PPARGC1B: variants seen among roughly 807,000 people sequenced by gnomAD.
The protein encoded by PPARGC1B is peroxisome proliferator-activated receptor gamma coactivator 1-beta.
In PPARGC1B, 34 loss-of-function variants were observed where a neutral mutation model predicts 101.6. The ratio of observed to expected loss-of-function variants is 0.33; its 90% confidence interval spans 0.25 to 0.45. The LOEUF (loss-of-function observed/expected upper bound fraction) is 0.45, where lower values mean the gene tolerates loss of function less well. PPARGC1B is among the 20% of genes least tolerant of loss of function. The probability of loss-of-function intolerance (pLI) is 1.00; values close to 1 mark genes in which losing one functional copy is unlikely to be tolerated. For missense variants in PPARGC1B, 1,234 were observed against 1,317.6 expected, an observed-to-expected ratio of 0.94 and a Z score of 0.98; for synonymous variants, 548 against 539.3, an observed-to-expected ratio of 1.02 and a Z score of -0.22.
chr5:149,757,259 T>C, intron 1 of PPARGC1B, among the ~76,000 whole-genome samples: 1 of 151,914 alleles, frequency 6.6e-6, no homozygotes, highest in East Asian at 1.9e-4. Flanking sequence ...ATCGAGTGGC[T>C]AAGCTTGTCA....
intron 1 of PPARGC1B, among the ~76,000 whole-genome samples, chr5:149,810,623 TTC>T (rs1490471748): frequency 2.0e-5 from 3 of 152,256 alleles, no homozygotes; most frequent in African/African-American, 7.2e-5. Flanking sequence ...AGACTGCCTG[TTC>T]TCTCTTTCCC....
At chr5:149,789,468 G>T (rs966465103) in intron 1 of PPARGC1B, among the ~76,000 whole-genome samples, 4 of 152,152 alleles carry the variant, frequency 2.6e-5, no homozygotes, top group Non-Finnish European at 5.9e-5. Context: ...TTCCTAGGAG[G>T]ATCAGATGAA....
chr5:149,835,951 T>C (rs1759048828), intron 7 of PPARGC1B, among the ~76,000 whole-genome samples: 1 of 148,586 alleles, frequency 6.7e-6, no homozygotes, highest in Non-Finnish European at 1.5e-5. Context: ...TAGGGTCTTT[T>C]TTTTTTCTTT....
chr5:149,768,111 C>T (rs1755986241), intron 1 of PPARGC1B, among the ~76,000 whole-genome samples: 1 of 152,054 alleles, frequency 6.6e-6, no homozygotes, highest in Non-Finnish European at 1.5e-5. Context: ...GAAAACCCTG[C>T]TTCACAGGGA....
intron 1 of PPARGC1B, among the ~76,000 whole-genome samples, chr5:149,779,904 C>T (rs1344258004): frequency 6.6e-6 from 1 of 152,144 alleles, no homozygotes; most frequent in Non-Finnish European, 1.5e-5. Flanking sequence ...GAGCCCCTTC[C>T]CAGCCCCTTC....
chr5:149,820,701 C>G, intron 2 of PPARGC1B, 95 bp downstream of exon 2: 14 of 1,263,206 alleles, frequency 1.1e-5, no homozygotes, highest in Non-Finnish European at 1.4e-5. Flanking sequence ...CCTGCACTTG[C>G]TCATGCAGAG....
chr5:149,840,410 C>T (rs1561630668), intron 9 of PPARGC1B, among the ~76,000 whole-genome samples: 1 of 152,202 alleles, frequency 6.6e-6, no homozygotes, highest in South Asian at 2.1e-4. Context: ...CTTGAGAGAG[C>T]CAAGTGGGCG....
At chr5:149,844,401 A>G (rs982847587) in intron 10 of PPARGC1B, among the ~76,000 whole-genome samples, 6 of 152,216 alleles carry the variant, frequency 3.9e-5, no homozygotes, top group African/African-American at 1.2e-4. Context: ...TGTAATCCCA[A>G]CACTTTGGGA....
chr5:149,773,517 T>C (rs1204771996), intron 1 of PPARGC1B, among the ~76,000 whole-genome samples: 1 of 152,118 alleles, frequency 6.6e-6, no homozygotes, highest in Non-Finnish European at 1.5e-5. Flanking sequence ...CCTGCCTGGC[T>C]GGTTGCTCTG....
chr5:149,828,875 T>A (rs1369278247), intron 3 of PPARGC1B, among the ~76,000 whole-genome samples: 1 of 150,848 alleles, frequency 6.6e-6, no homozygotes, highest in Non-Finnish European at 1.5e-5. Flanking sequence ...GGAAGATCCA[T>A]CTCTATGATT....
At chr5:149,819,204 A>G (rs1304744141) in intron 1 of PPARGC1B, among the ~76,000 whole-genome samples, 1 of 152,180 alleles carries the variant, frequency 6.6e-6, no homozygotes, top group Non-Finnish European at 1.5e-5. Flanking sequence ...TGATTCAGGC[A>G]ATGCTGTTAT....
intron 1 of PPARGC1B, among the ~76,000 whole-genome samples, chr5:149,747,836 G>A (rs1755144649): frequency 6.6e-6 from 1 of 152,216 alleles, no homozygotes; most frequent in East Asian, 1.9e-4. Flanking sequence ...CACCATAGCA[G>A]GCAAAACTAG....
chr5:149,826,582 G>C, intron 2 of PPARGC1B, 91 bp from the exon 3 acceptor site: 3 of 1,018,012 alleles, frequency 2.9e-6, no homozygotes, highest in Non-Finnish European at 4.6e-6. Context: ...TGGCTGGGCA[G>C]AGCTGGTGTC....
At chr5:149,739,643 G>A (rs1196483011) in intron 1 of PPARGC1B, among the ~76,000 whole-genome samples, 1 of 152,130 alleles carries the variant, frequency 6.6e-6, no homozygotes, top group African/African-American at 2.4e-5. Context: ...TCTTGGGGAG[G>A]GCCAGGGTGG....
At chr5:149,855,032 A>C (rs1231235908), downstream of PPARGC1B, 1 of 152,222 alleles carries the variant, frequency 6.6e-6, no homozygotes, top group Non-Finnish European at 1.5e-5. Flanking sequence ...AGCTTTGCCC[A>C]TGTGTGTTTT....
rs759422950 is a variant in PPARGC1B, at chr5:149,826,740, A to T, written c.320A>T (p.Asp107Val). ...TKTLDDIPED[D>V]VGLAAFPALD... ...ACCCTGGATGACATCCCTGAAGATG[A>T]CGTGGGTCTGGCTGCCTTCCCAGCC... Residue 107 changes from aspartate (D) to valine (V), a missense_variant, in exon 3 of 12, where the codon GAC becomes GTC. Physicochemically the swap from Asp to Val is radical, Grantham distance 152 (BLOSUM62 -3). Transcript: ENST00000309241. 6.2e-7 allele frequency: 1 copy of T among 1,614,042 alleles called. No homozygotes were observed. The highest frequency in any genetic ancestry group is 1.1e-5 in the South Asian group (1 of 91,080).
At chr5:149,790,485 C>G (rs1003852084) in intron 1 of PPARGC1B, among the ~76,000 whole-genome samples, 22 of 152,062 alleles carry the variant, frequency 1.4e-4, no homozygotes, top group Admixed American at 1.3e-4. Context: ...CTGCTGTAGC[C>G]CCAAACCAGC....
intron 1 of PPARGC1B, among the ~76,000 whole-genome samples, chr5:149,758,026 C>A (rs1489753571): frequency 6.6e-6 from 1 of 152,242 alleles, no homozygotes; most frequent in East Asian, 1.9e-4. Context: ...TAATGGCTAC[C>A]TTTTCTCCCT....
chr5:149,774,250 C>T (rs953224876), intron 1 of PPARGC1B, among the ~76,000 whole-genome samples: 4 of 152,082 alleles, frequency 2.6e-5, no homozygotes, highest in African/African-American at 9.7e-5. Flanking sequence ...GGGACACCGT[C>T]GTAGAGAAGT....
Sources: gnomAD v4.1 joint callset for allele counts (sites outside exome capture counted in the v4.1 genomes callset) on GRCh38, gnomAD v4.1.1 for gene constraint, MANE v1.5 for transcripts, NCBI Gene and HGNC (gene_info 2026-07-23, HGNC 2026-07-21) for gene names.